The following RNF2 variants were observed in gnomAD, a reference collection of about 807,000 sequenced individuals.
The protein encoded by RNF2 is ring finger protein 2, also known as E3 ubiquitin-protein ligase RING2.
In RNF2, 6 loss-of-function variants were observed where a neutral mutation model predicts 37.2. The ratio of observed to expected loss-of-function variants is 0.16; its 90% CI spans 0.09 to 0.32. The LOEUF (loss-of-function observed/expected upper bound fraction) is 0.32. Ranked by LOEUF, RNF2 falls within the 10% of genes least tolerant of loss-of-function variation. The pLI, the probability that RNF2 is intolerant of heterozygous loss-of-function variation, is 1.00. For synonymous variants in RNF2, 133 were observed against 132.7 expected, an observed-to-expected ratio of 1.00 and a Z score of -0.02; for missense variants, 251 against 404.0, an observed-to-expected ratio of 0.62 and a Z score of 3.25.
At chr1:185,066,771 T>C (rs1650810748) in intron 1 of RNF2, among the ~76,000 whole-genome samples, 1 of 152,168 alleles carries the variant, frequency 6.6e-6, no homozygotes, top group Admixed American at 6.5e-5. Context: ...GATAGGTGTA[T>C]CTTAAAACCT....
chr1:185,081,741 C>T (rs1019901134), intron 1 of RNF2, among the ~76,000 whole-genome samples: 2 of 151,950 alleles, frequency 1.3e-5, no homozygotes, highest in African/African-American at 4.8e-5. Context: ...GGTTGTGTGA[C>T]GTGCATTTGA....
At chr1:185,086,630 C>G (rs1651608214) in intron 1 of RNF2, among the ~76,000 whole-genome samples, 1 of 152,134 alleles carries the variant, frequency 6.6e-6, no homozygotes, top group African/African-American at 2.4e-5. Context: ...AAATTATAGA[C>G]TAATTGTTAT....
rs1394741481 is a variant in RNF2 at position 185,093,259 on chromosome 1, G to A, written c.447G>A (p.Lys149=). 6.2e-7 allele frequency: 1 copy of A among 1,613,852 alleles called. No individual in the cohort carries two copies. Among genetic ancestry groups the A allele is most frequent in the South Asian group, 1.1e-5 (1 of 91,052 alleles). Residue 149 remains lysine (K), a synonymous_variant, in exon 4 of 7, where the codon AAG becomes AAA. Coordinates refer to ENST00000367510, the MANE Select transcript of RNF2 (RefSeq NM_007212.4). ...GTCACAGCATTGAGGAAGGACTGAAGATACAGGCCATGAACAGGTATATGG... is the reference window on the plus strand; with the variant it reads ...GTCACAGCATTGAGGAAGGACTGAAAATACAGGCCATGAACAGGTATATGG... The part of the protein sequence containing the change: ...ALSHSIEEGL[K]IQAMNRLQRG...
At chr1:185,049,302 T>G (rs1165139960) in intron 1 of RNF2, among the ~76,000 whole-genome samples, 3 of 152,176 alleles carry the variant, frequency 2.0e-5, no homozygotes, top group Middle Eastern at 6.3e-3. Flanking sequence ...ACTTTATCAT[T>G]TCACATTATT....
intron 1 of RNF2, among the ~76,000 whole-genome samples, chr1:185,060,304 GTTTA>G (rs1474118141): frequency 1.3e-5 from 2 of 152,172 alleles, no homozygotes; most frequent in African/African-American, 4.8e-5. Context: ...AAGTCTACAG[GTTTA>G]TTTATTGGGG....
At chr1:185,077,450 C>G (rs1379448748) in intron 1 of RNF2, among the ~76,000 whole-genome samples, 2 of 151,982 alleles carry the variant, frequency 1.3e-5, no homozygotes, top group Admixed American at 1.3e-4. Flanking sequence ...TTTGGGACTT[C>G]CGGTAGATTT....
chr1:185,051,234 G>A (rs1362951800), intron 1 of RNF2, among the ~76,000 whole-genome samples: 1 of 152,056 alleles, frequency 6.6e-6, no homozygotes, highest in Non-Finnish European at 1.5e-5. Context: ...ATTCAGTCTG[G>A]GACGGCTGTC....
At chr1:185,068,561 G>T (rs968819629) in intron 1 of RNF2, among the ~76,000 whole-genome samples, 4 of 152,198 alleles carry the variant, frequency 2.6e-5, no homozygotes, top group African/African-American at 9.7e-5. Context: ...ACTGGCATTT[G>T]CCCCAACCTG....
At chr1:185,082,351 T>TTTTTTTTTTTTTTTTTTTTTTTTTTG (rs1651447908) in intron 1 of RNF2, among the ~76,000 whole-genome samples, 1 of 126,128 alleles carries the variant, frequency 7.9e-6, no homozygotes, top group Non-Finnish European at 1.7e-5. Flanking sequence ...AGAACTTTTT[T>TTTTTTTTTTTTTTTTTTTTTTTTTTG]TTTTTTTTTT....
At chr1:185,059,575 G>A (rs1439984995) in intron 1 of RNF2, among the ~76,000 whole-genome samples, 1 of 152,152 alleles carries the variant, frequency 6.6e-6, no homozygotes, top group African/African-American at 2.4e-5. Flanking sequence ...CTGGAAAAGT[G>A]TCCTGGTTGC....
intron 1 of RNF2, among the ~76,000 whole-genome samples, chr1:185,064,596 T>A (rs989275789): frequency 6.6e-6 from 1 of 152,236 alleles, no homozygotes; most frequent in African/African-American, 2.4e-5. Context: ...TTACTGTGGT[T>A]TCACTTTAGA....
intron 4 of RNF2, among the ~76,000 whole-genome samples, chr1:185,097,016 A>C (rs905605807): frequency 1.3e-5 from 2 of 152,090 alleles, no homozygotes; most frequent in Non-Finnish European, 2.9e-5. Flanking sequence ...GGAGACAGGC[A>C]GTGTGGTAGG....
chr1:185,063,497 AACC>A (rs1342394614), intron 1 of RNF2, among the ~76,000 whole-genome samples: 43 of 152,318 alleles, frequency 2.8e-4, no homozygotes, highest in Non-Finnish European at 5.9e-4. Flanking sequence ...TGAGCAAATA[AACC>A]GAAGTTCGCA....
intron 1 of RNF2, among the ~76,000 whole-genome samples, chr1:185,085,828 A>G (rs1651580440): frequency 1.3e-5 from 2 of 151,828 alleles, no homozygotes; most frequent in South Asian, 4.2e-4. Context: ...TAATTTTTGT[A>G]TTTTTAGTAG....
intron 4 of RNF2, among the ~76,000 whole-genome samples, chr1:185,094,359 G>GT (rs1264909145): frequency 5.1e-4 from 78 of 152,008 alleles, no homozygotes; most frequent in Non-Finnish European, 7.4e-5. Flanking sequence ...GGCGAGGCTG[G>GT]TCTCAACTCC....
rs1023303705 is a variant in RNF2 at position 185,054,554 on chromosome 1, G to A, written c.-3+8905G>A. On this transcript the variant is annotated intron_variant, in intron 1 of 6. Transcript: ENST00000367510. ...TTACGAGCGCTCTTCCTGAGAGCGGGTTCCTCAGCTCTGAAATGGCGGCCG... is the reference window on the plus strand; with the variant it reads ...TTACGAGCGCTCTTCCTGAGAGCGGATTCCTCAGCTCTGAAATGGCGGCCG... 9.8e-5 allele frequency among the ~76,000 whole-genome samples: 15 copies of A among 152,296 alleles called. No homozygotes were observed. In the East Asian group the frequency reaches 2.9e-3, roughly 29 times the overall value.
intron 1 of RNF2, among the ~76,000 whole-genome samples, chr1:185,065,276 T>G (rs1650767053): frequency 6.6e-6 from 1 of 152,164 alleles, no homozygotes; most frequent in African/African-American, 2.4e-5. Context: ...CAGTCAGCAC[T>G]GTGAAAAAAT....
intron 1 of RNF2, among the ~76,000 whole-genome samples, chr1:185,080,122 T>G (rs990963006): frequency 6.6e-6 from 1 of 152,204 alleles, no homozygotes; most frequent in African/African-American, 2.4e-5. Flanking sequence ...GTATCTTCTT[T>G]GCTGGCTTCC....
intron 1 of RNF2, among the ~76,000 whole-genome samples, chr1:185,051,058 A>C: frequency 6.6e-6 from 1 of 152,126 alleles, no homozygotes; most frequent in Non-Finnish European, 1.5e-5. Flanking sequence ...ACAGTACTTC[A>C]TTTTGACTTT....
Sources: gnomAD v4.1 joint callset for allele counts (sites outside exome capture counted in the v4.1 genomes callset) on GRCh38, gnomAD v4.1.1 for gene constraint, MANE v1.5 for transcripts, NCBI Gene and HGNC (gene_info 2026-07-23, HGNC 2026-07-21) for gene names.